Variants in TRPC1 observed in about 807,000 individuals in gnomAD.
TRPC1 encodes short transient receptor potential channel 1.
Under a neutral mutation model 88.2 loss-of-function variants are expected in TRPC1, and 42 were observed. The observed-to-expected ratio is 0.48, with a 90% CI of 0.37 to 0.62. The LOEUF is 0.62. Among genes scored for constraint, TRPC1 ranks in the 20% least tolerant of loss-of-function variants. The pLI is 0.00. For synonymous variants in TRPC1, 288 were observed against 331.8 expected, an observed-to-expected ratio of 0.87 and a Z score of 1.43; for missense variants, 699 against 957.3, an observed-to-expected ratio of 0.73 and a Z score of 3.56.
intron 7 of TRPC1, chr3:142,785,288 T>C (rs761184362): frequency 1.2e-5 from 4 of 323,910 alleles, no homozygotes; most frequent in Non-Finnish European, 2.2e-5. Flanking sequence ...TTTAAAATTA[T>C]TTATTCTCAG....
intron 2 of TRPC1, among the ~76,000 whole-genome samples, chr3:142,738,406 A>G (rs530671723): frequency 1.6e-4 from 25 of 152,354 alleles, no homozygotes; most frequent in Non-Finnish European, 3.1e-4. Flanking sequence ...TAAAGTATGT[A>G]TGAATTACAA....
intron 3 of TRPC1, among the ~76,000 whole-genome samples, chr3:142,743,818 A>G (rs1260482523): frequency 1.3e-5 from 2 of 152,154 alleles, no homozygotes; most frequent in Non-Finnish European, 2.9e-5. Context: ...GTGGACCAGT[A>G]TTTACCATTT....
At chr3:142,758,037 G>A (rs1935038515) in intron 4 of TRPC1, among the ~76,000 whole-genome samples, 1 of 151,990 alleles carries the variant, frequency 6.6e-6, no homozygotes, top group Non-Finnish European at 1.5e-5. Context: ...TCACCTTATT[G>A]TGCTATCAAA....
Position 142,782,954 on chromosome 3 carries a change from C to T in TRPC1, c.961-1750C>T, listed in dbSNP as rs1429872978. On this transcript the variant is annotated intron_variant, in intron 6 of 12. Coordinates refer to ENST00000476941, the MANE Select transcript of TRPC1 (RefSeq NM_001251845.2). ...GTTCCAGTGAGCAAGGTGGAAGATG[C>T]GTAGCCTTTTAGGACCTACCTTCAG... Among the ~76,000 whole-genome samples, 6 of 152,122 alleles carry T rather than the reference C, an allele frequency of 3.9e-5. No homozygotes were observed. In the South Asian group the frequency reaches 6.2e-4, roughly 16 times the overall value.
chr3:142,785,957 A>T (rs1314430614), intron 7 of TRPC1, among the ~76,000 whole-genome samples: 1 of 152,244 alleles, frequency 6.6e-6, no homozygotes, highest in African/African-American at 2.4e-5. Context: ...TTTAAAAAGT[A>T]TAAGACATTT....
At chr3:142,779,049 C>T (rs183933191) in intron 5 of TRPC1, among the ~76,000 whole-genome samples, 8 of 152,182 alleles carry the variant, frequency 5.3e-5, no homozygotes, top group Non-Finnish European at 1.2e-4. Context: ...CTATTGTAAC[C>T]TCATAATTTG....
At chr3:142,759,552 T>A (rs1453457899) in intron 4 of TRPC1, among the ~76,000 whole-genome samples, 2 of 152,154 alleles carry the variant, frequency 1.3e-5, no homozygotes, top group Non-Finnish European at 2.9e-5. Context: ...GTTTAAGTTC[T>A]TTGTAGATTC....
chr3:142,783,004 A>G (rs974497111), intron 6 of TRPC1, among the ~76,000 whole-genome samples: 2 of 152,218 alleles, frequency 1.3e-5, no homozygotes, highest in African/African-American at 4.8e-5. Context: ...CACCTCTGTT[A>G]GAATCTACTA....
intron 3 of TRPC1, among the ~76,000 whole-genome samples, chr3:142,744,575 A>G (rs940030340): frequency 6.6e-6 from 1 of 152,202 alleles, no homozygotes; most frequent in African/African-American, 2.4e-5. Context: ...TACTTTTAAA[A>G]GAATAGTTAG....
In TRPC1 at chr3:142,724,925, C is replaced by T. The variant is rs1933610084; in HGVS notation, c.172+194C>T. ...GTGTGGAGCTGGCGGGAGAGTGGAG[C>T]TGGGGCTGCGCCCTCGGAGCGCTGC... On this transcript the variant is annotated intron_variant, in intron 1 of 12. Coordinates refer to ENST00000476941, the MANE Select transcript of TRPC1 (RefSeq NM_001251845.2). This position sits in a 1 kb window ranked among gnomAD's most constrained non-coding sequence, Gnocchi z 5.6. Among the ~76,000 whole-genome samples, 1 of 152,216 alleles carries T rather than the reference C, an allele frequency of 6.6e-6. No homozygotes were observed. The highest frequency in any genetic ancestry group is 1.5e-5 in the Non-Finnish European group (1 of 68,026).
intron 6 of TRPC1, 119 bp downstream of exon 6, chr3:142,781,148 G>T (rs887831011): frequency 4.0e-6 from 3 of 741,342 alleles, no homozygotes; most frequent in Non-Finnish European, 4.0e-6. Flanking sequence ...CCTAAAAATT[G>T]TGTGTCTTGG....
intron 12 of TRPC1, among the ~76,000 whole-genome samples, chr3:142,804,855 CCAG>C (rs1936739117): frequency 6.6e-6 from 1 of 151,962 alleles, no homozygotes; most frequent in African/African-American, 2.4e-5. Context: ...GCTTGTAATC[CCAG>C]CACTTTGGGA....
At chr3:142,761,789 G>C (rs138333949) in intron 4 of TRPC1, among the ~76,000 whole-genome samples, 1 of 151,952 alleles carries the variant, frequency 6.6e-6, no homozygotes, top group Admixed American at 6.6e-5. Flanking sequence ...TTTCTTCATG[G>C]CTCAATCATG....
At chr3:142,797,992 C>T (rs1461861639) in intron 9 of TRPC1, among the ~76,000 whole-genome samples, 1 of 151,928 alleles carries the variant, frequency 6.6e-6, no homozygotes, top group Non-Finnish European at 1.5e-5. Context: ...AGGTGTTTTG[C>T]ATTTTGGTGT....
chr3:142,790,116 A>G (rs1560116020), intron 7 of TRPC1, among the ~76,000 whole-genome samples: 1 of 152,108 alleles, frequency 6.6e-6, no homozygotes, highest in Non-Finnish European at 1.5e-5. Context: ...ATGAGCAAAG[A>G]CATGAAAAAG....
intron 2 of TRPC1, among the ~76,000 whole-genome samples, chr3:142,741,076 GATA>G (rs1350495929): frequency 1.3e-5 from 2 of 151,350 alleles, no homozygotes; most frequent in African/African-American, 4.9e-5. Context: ...TAGGAAGGAA[GATA>G]ATGATCTCAT....
rs1936782138 is a variant in TRPC1, at chr3:142,805,994, T to C, written c.2155-14T>C. ...GTTTCTGCATATCCTTAGTATCATA[T>C]TGTTGTTTTGAAGGAATGGAGGAAT... On this transcript the variant is annotated splice_polypyrimidine_tract_variant and intron_variant, in intron 12 of 12. Coordinates refer to ENST00000476941, the MANE Select transcript of TRPC1 (RefSeq NM_001251845.2). 1 of 1,608,824 alleles carries C rather than the reference T, an allele frequency of 6.2e-7. No homozygotes were observed. The highest frequency in any genetic ancestry group is 1.1e-5 in the South Asian group (1 of 90,616).
chr3:142,762,850 T>C (rs1397037896), intron 4 of TRPC1, among the ~76,000 whole-genome samples: 2 of 152,234 alleles, frequency 1.3e-5, no homozygotes, highest in Non-Finnish European at 2.9e-5. Flanking sequence ...CTCTGTCTCA[T>C]AGATTTTGGT....
intron 2 of TRPC1, 92 bp from the exon 3 acceptor site, chr3:142,743,393 A>G: frequency 2.9e-6 from 3 of 1,040,394 alleles, no homozygotes; most frequent in Non-Finnish European, 4.0e-6. Context: ...TACAGTTTAA[A>G]TTTTTAAAAA....
Sources: gnomAD v4.1 joint callset for allele counts (sites outside exome capture counted in the v4.1 genomes callset) on GRCh38, gnomAD v4.1.1 for gene constraint, Gnocchi (gnomAD v3.1) non-coding constraint, MANE v1.5 for transcripts, NCBI Gene and HGNC (gene_info 2026-07-23, HGNC 2026-07-21) for gene names.